Variants in TENM2 observed in about 807,000 individuals in gnomAD.
The protein encoded by TENM2 is teneurin transmembrane protein 2.
In TENM2, 52 loss-of-function variants were observed where a neutral mutation model predicts 245.2. That is an observed-to-expected ratio of 0.21 (90% confidence interval 0.17 to 0.27). The LOEUF is 0.27. Ranked by LOEUF, TENM2 falls within the 10% of genes least tolerant of loss-of-function variation. TENM2 has a pLI of 1.00. For synonymous variants in TENM2, 1,363 were observed against 1,438.9 expected, an observed-to-expected ratio of 0.95 and a Z score of 1.19; for missense variants, 3,046 against 3,666.8, an observed-to-expected ratio of 0.83 and a Z score of 4.37.
chr5:167,204,876 A>C, the TENM2 span, among the ~76,000 whole-genome samples: 1,040 of 152,324 alleles, frequency 6.8e-3, 12 homozygotes, highest in African/African-American at 0.023. Flanking sequence ...AAACCACCGG[A>C]GATTGCCCAT....
Position 168,080,295 on chromosome 5 carries a change from A to G in TENM2, c.1516-10279A>G, listed in dbSNP as rs190057197. 9.3e-4 allele frequency among the ~76,000 whole-genome samples: 142 copies of G among 152,126 alleles called. 1 individual carries two copies. Among genetic ancestry groups the G allele is most frequent in the Middle Eastern group, 6.8e-3 (2 of 294 alleles). On this transcript the variant is annotated intron_variant, in intron 7 of 28. Transcript: ENST00000518659. ...GGTGATATCCCCTTTATCATTTTGTATTGCATCTATTTGATTCTTCTCTCT... is the reference window on the plus strand; with the variant it reads ...GGTGATATCCCCTTTATCATTTTGTGTTGCATCTATTTGATTCTTCTCTCT...
At chr5:168,051,465 A>G (rs1164275698) in intron 6 of TENM2, among the ~76,000 whole-genome samples, 8 of 148,264 alleles carry the variant, frequency 5.4e-5, no homozygotes, top group Admixed American at 2.7e-4. Context: ...TAAAAAAAAT[A>G]AAAAGTTTGA....
chr5:167,519,105 C>T (rs908863294), intron 2 of TENM2, among the ~76,000 whole-genome samples: 3 of 152,036 alleles, frequency 2.0e-5, no homozygotes, highest in Non-Finnish European at 4.4e-5. Flanking sequence ...TACTACAGAC[C>T]ATAGTAATTT....
the TENM2 span, among the ~76,000 whole-genome samples, chr5:167,225,308 C>T: frequency 6.6e-6 from 1 of 151,860 alleles, no homozygotes; most frequent in African/African-American, 2.4e-5. Context: ...GTTTTTCATA[C>T]ATGTTCTTTA....
chr5:168,076,871 G>A (rs983915002), intron 7 of TENM2, among the ~76,000 whole-genome samples: 6 of 152,166 alleles, frequency 3.9e-5, no homozygotes, highest in African/African-American at 1.2e-4. Context: ...CTGTGGTCCT[G>A]TGAATACACA....
At chr5:167,123,874 C>T in the TENM2 span, among the ~76,000 whole-genome samples, 1 of 152,132 alleles carries the variant, frequency 6.6e-6, no homozygotes, top group Admixed American at 6.5e-5. Context: ...CACCTTGCAG[C>T]ACTTTTAACA....
intron 2 of TENM2, among the ~76,000 whole-genome samples, chr5:167,680,148 T>A (rs1756604043): frequency 6.6e-6 from 1 of 152,016 alleles, no homozygotes; most frequent in South Asian, 2.1e-4. Context: ...CATCGCTCCA[T>A]CTTCCAACCA....
chr5:167,461,175 G>A (rs1049144843), intron 2 of TENM2, among the ~76,000 whole-genome samples: 1 of 150,946 alleles, frequency 6.6e-6, no homozygotes, highest in African/African-American at 2.4e-5. Context: ...ATATACTGTG[G>A]TGTTTTTAAA....
intron 17 of TENM2, among the ~76,000 whole-genome samples, chr5:168,201,225 A>G (rs1486813389): frequency 6.6e-6 from 1 of 152,092 alleles, no homozygotes; most frequent in Non-Finnish European, 1.5e-5. Flanking sequence ...AGAAGTTCCC[A>G]GAGTAACTAG....
intron 2 of TENM2, among the ~76,000 whole-genome samples, chr5:167,668,424 C>T (rs1349909656): frequency 6.6e-6 from 1 of 152,066 alleles, no homozygotes; most frequent in Non-Finnish European, 1.5e-5. Context: ...TTTTTAAAAA[C>T]GTTCCACAAA....
At chr5:167,635,112 A>T (rs1241509372) in intron 2 of TENM2, among the ~76,000 whole-genome samples, 3 of 152,184 alleles carry the variant, frequency 2.0e-5, no homozygotes, top group East Asian at 3.9e-4. Flanking sequence ...CATTTATCAC[A>T]TCCTTGTAAA....
intron 2 of TENM2, among the ~76,000 whole-genome samples, chr5:167,593,315 A>G (rs965836198): frequency 3.9e-5 from 6 of 152,220 alleles, no homozygotes; most frequent in African/African-American, 1.4e-4. Flanking sequence ...GTGCTAAGAA[A>G]ACAATTGTTT....
At chr5:167,996,645 G>C (rs1311896447) in intron 5 of TENM2, among the ~76,000 whole-genome samples, 3 of 152,122 alleles carry the variant, frequency 2.0e-5, no homozygotes, top group African/African-American at 7.2e-5. Context: ...GTGTTATCTT[G>C]ATAGTATGCA....
intron 1 of TENM2, among the ~76,000 whole-genome samples, chr5:167,359,852 C>T (rs1435734141): frequency 6.6e-6 from 1 of 152,178 alleles, no homozygotes; most frequent in African/African-American, 2.4e-5. Context: ...GGAATGAGAT[C>T]ATATGAGCCC....
At chr5:167,658,130 C>A (rs1754970988) in intron 2 of TENM2, among the ~76,000 whole-genome samples, 1 of 151,872 alleles carries the variant, frequency 6.6e-6, no homozygotes, top group African/African-American at 2.4e-5. Flanking sequence ...ATCAAAGCAA[C>A]AGCATTTGAG....
intron 15 of TENM2, among the ~76,000 whole-genome samples, chr5:168,195,854 A>G (rs1423271812): frequency 1.3e-5 from 2 of 152,044 alleles, no homozygotes; most frequent in African/African-American, 2.4e-5. Context: ...TGTGTGAAGG[A>G]GGCAACCTTT....
intron 9 of TENM2, among the ~76,000 whole-genome samples, chr5:168,103,921 T>C (rs1794027821): frequency 6.6e-6 from 1 of 152,162 alleles, no homozygotes; most frequent in African/African-American, 2.4e-5. Context: ...CCGAGACAGG[T>C]GCACCTGAGT....
intron 2 of TENM2, among the ~76,000 whole-genome samples, chr5:167,874,890 C>G (rs528219804): frequency 6.6e-6 from 1 of 152,142 alleles, no homozygotes; most frequent in African/African-American, 2.4e-5. Context: ...TTTCTTTGTC[C>G]GAAAACCACA....
At chr5:167,166,508 C>T in the TENM2 span, among the ~76,000 whole-genome samples, 3 of 152,124 alleles carry the variant, frequency 2.0e-5, no homozygotes, top group South Asian at 2.1e-4. Context: ...TTTGTGAAAA[C>T]GTTTTTTAAA....
Sources: gnomAD v4.1 joint callset for allele counts (sites outside exome capture counted in the v4.1 genomes callset) on GRCh38, gnomAD v4.1.1 for gene constraint, MANE v1.5 for transcripts, NCBI Gene and HGNC (gene_info 2026-07-23, HGNC 2026-07-21) for gene names.